FAM135B: variants seen among roughly 807,000 people sequenced by gnomAD.
FAM135B encodes family with sequence similarity 135 member B, also known as protein FAM135B.
FAM135B carries 43 observed loss-of-function variants against 127.7 expected under a neutral mutation model. The observed-to-expected ratio is 0.34, with a 90% CI of 0.26 to 0.43. FAM135B has a LOEUF of 0.43. Among genes scored for constraint, FAM135B ranks in the 20% least tolerant of loss-of-function variants. The pLI, the probability that FAM135B is intolerant of heterozygous loss-of-function variation, is 1.00. For missense variants in FAM135B, 1,558 were observed against 1,725.6 expected (o/e 0.90, Z 1.72); for synonymous variants, 670 against 665.1 (o/e 1.01, Z -0.11).
At chr8:138,339,209 T>G (rs1045870891) in intron 2 of FAM135B, among the ~76,000 whole-genome samples, 1 of 151,956 alleles carries the variant, frequency 6.6e-6, no homozygotes, top group Non-Finnish European at 1.5e-5. Flanking sequence ...TGTATACATA[T>G]GTAACTAACC....
intron 2 of FAM135B, among the ~76,000 whole-genome samples, chr8:138,337,758 C>A (rs1364484173): frequency 6.6e-6 from 1 of 152,170 alleles, no homozygotes; most frequent in African/African-American, 2.4e-5. Flanking sequence ...GAAAAAACTA[C>A]TTTAAAGTTC....
chr8:138,346,047 T>C (rs372223633), intron 2 of FAM135B, among the ~76,000 whole-genome samples: 9 of 152,096 alleles, frequency 5.9e-5, no homozygotes, highest in African/African-American at 1.9e-4. Context: ...AACAAACACA[T>C]GAAAACAAGC....
rs968978794 is a variant in FAM135B at position 138,345,197 on chromosome 8, G to A, written c.77+22710C>T. On this transcript the variant is annotated intron_variant, in intron 2 of 19. Transcript: ENST00000395297. Reference sequence around the variant, plus strand: ...TGTGCCAGCCTGAGTGGCAAGCCCAGGAAACAGAGGAGTTGATGGATGAGA... The same window carrying A: ...TGTGCCAGCCTGAGTGGCAAGCCCAAGAAACAGAGGAGTTGATGGATGAGA... Among the ~76,000 whole-genome samples, 3 of 152,186 alleles carry A rather than the reference G, an allele frequency of 2.0e-5. No homozygotes were observed. In the East Asian group the frequency reaches 5.8e-4, roughly 29 times the overall value.
intron 1 of FAM135B, among the ~76,000 whole-genome samples, chr8:138,389,548 A>T (rs2131319194): frequency 6.6e-6 from 1 of 152,364 alleles, no homozygotes; most frequent in African/African-American, 2.4e-5. Context: ...AATTATGCTA[A>T]GTGAAAGAAG....
At chr8:138,260,043 T>A (rs988184867) in intron 4 of FAM135B, among the ~76,000 whole-genome samples, 1 of 152,062 alleles carries the variant, frequency 6.6e-6, no homozygotes, top group South Asian at 2.1e-4. Flanking sequence ...ACATGGGAAG[T>A]TTATCTTACT....
chr8:138,136,952 T>C (rs925103262), intron 19 of FAM135B, among the ~76,000 whole-genome samples, 195 bp downstream of exon 19: 5 of 152,176 alleles, frequency 3.3e-5, no homozygotes, highest in Non-Finnish European at 7.3e-5. Context: ...CTAATAAACA[T>C]GTGACTGTTT....
rs564368925 is a variant in FAM135B at position 138,242,637 on chromosome 8, C to CT, written c.669+304dup. On this transcript the variant is annotated intron_variant, in intron 7 of 19. Transcript: ENST00000395297. The surrounding 1 kb of genome is among the most constrained non-coding windows in gnomAD (Gnocchi z 9.6). The stretch of plus-strand genomic sequence containing the variant: ...ATGGCCTTCAACGTTATCACATAGT[C>CT]TGAGTGGCCCCCTCACAGCACAGCC... Among the ~76,000 whole-genome samples the CT allele has an allele frequency of 3.0e-4, 46 of 152,278 alleles. No individual in the cohort carries two copies. In the South Asian group the frequency reaches 9.3e-3, roughly 31 times the overall value.
intron 3 of FAM135B, among the ~76,000 whole-genome samples, chr8:138,300,318 C>T (rs1244454902): frequency 2.0e-5 from 3 of 151,990 alleles, no homozygotes; most frequent in Non-Finnish European, 4.4e-5. Context: ...AGCCTGTGGC[C>T]TAGCCAAGGT....
At chr8:138,190,757 C>G (rs1816046277) in intron 9 of FAM135B, among the ~76,000 whole-genome samples, 1 of 152,202 alleles carries the variant, frequency 6.6e-6, no homozygotes, top group Non-Finnish European at 1.5e-5. Flanking sequence ...AGAACTTGGT[C>G]TTCACCACCC....
chr8:138,416,501 C>A (rs1834162641), intron 1 of FAM135B, among the ~76,000 whole-genome samples: 1 of 152,004 alleles, frequency 6.6e-6, no homozygotes, highest in South Asian at 2.1e-4. Flanking sequence ...CTTGTGTTAT[C>A]ATCCTTTTAG....
At chr8:138,171,054 G>A (rs1378958038) in intron 11 of FAM135B, among the ~76,000 whole-genome samples, 1 of 152,150 alleles carries the variant, frequency 6.6e-6, no homozygotes, top group Admixed American at 6.5e-5. Context: ...CCTTGGTTCT[G>A]AGGAATTCCA....
Position 138,131,402 on chromosome 8 carries a change from C to T in FAM135B, c.*1191G>A, listed in dbSNP as rs1816207834. 1 of 152,584 alleles carries T rather than the reference C, an allele frequency of 6.6e-6. No homozygotes were observed. The highest frequency in any genetic ancestry group is 2.1e-4 in the South Asian group (1 of 4,834). The allele number at this position is 152,584 out of a possible 1,614,324, so 9.5% of individuals were successfully genotyped here. ...AAACATCCTGGTAATTTTCAAAACT[C>T]CCCTTTGAGTCACTTACCAATAACA... is the stretch of plus-strand genomic sequence containing the variant. On this transcript the variant is annotated 3_prime_UTR_variant, in exon 20 of 20. Transcript: ENST00000395297.
chr8:138,346,550 A>G (rs527636185), intron 2 of FAM135B, among the ~76,000 whole-genome samples: 208 of 152,366 alleles, frequency 1.4e-3, no homozygotes, highest in South Asian at 0.011. Flanking sequence ...TGTTATCCTC[A>G]GCAAACTAAC....
chr8:138,197,741 C>A (rs1487237968), intron 7 of FAM135B, 72 bp from the exon 8 acceptor site: 6 of 1,505,456 alleles, frequency 4.0e-6, no homozygotes, highest in Middle Eastern at 1.8e-4. Context: ...CTGTGATGCT[C>A]CATCCACCCG....
At chr8:138,420,301 G>A (rs933953810) in intron 1 of FAM135B, among the ~76,000 whole-genome samples, 1 of 151,700 alleles carries the variant, frequency 6.6e-6, no homozygotes, top group South Asian at 2.1e-4. Context: ...ACTGAACCAG[G>A]AAGAAATTGA....
At chr8:138,138,312 A>C (rs994545417) in intron 18 of FAM135B, among the ~76,000 whole-genome samples, 6 of 152,268 alleles carry the variant, frequency 3.9e-5, no homozygotes, top group African/African-American at 1.2e-4. Flanking sequence ...TCACAGGCAC[A>C]GAGGGATCAG....
intron 1 of FAM135B, among the ~76,000 whole-genome samples, chr8:138,375,311 A>G (rs1186689485): frequency 3.3e-5 from 5 of 152,222 alleles, no homozygotes; most frequent in Non-Finnish European, 1.5e-5. Context: ...GTCTAGATTT[A>G]CGAAGTACCA....
At chr8:138,296,660 T>C (rs62529147) in intron 3 of FAM135B, among the ~76,000 whole-genome samples, 4 of 152,186 alleles carry the variant, frequency 2.6e-5, no homozygotes, top group Non-Finnish European at 5.9e-5. Context: ...TCTGACAGCA[T>C]AAGATAGAGT....
chr8:138,183,472 C>T (rs1179828025), intron 9 of FAM135B, among the ~76,000 whole-genome samples: 1 of 152,166 alleles, frequency 6.6e-6, no homozygotes. Flanking sequence ...TGTATTACAA[C>T]AGCATGCTCA....
Sources: gnomAD v4.1 joint callset for allele counts (sites outside exome capture counted in the v4.1 genomes callset) on GRCh38, gnomAD v4.1.1 for gene constraint, Gnocchi (gnomAD v3.1) non-coding constraint, MANE v1.5 for transcripts, NCBI Gene and HGNC (gene_info 2026-07-23, HGNC 2026-07-21) for gene names.